Variants in CNTNAP2 observed in about 807,000 individuals in gnomAD.
The protein encoded by CNTNAP2 is contactin-associated protein-like 2.
In CNTNAP2, 98 loss-of-function variants were observed where a neutral mutation model predicts 155.2. That is an observed-to-expected ratio of 0.63 (90% CI 0.54 to 0.75). The LOEUF is 0.75. CNTNAP2 is among the 30% of genes least tolerant of loss of function. The pLI is 0.00. For synonymous variants in CNTNAP2, 651 were observed against 631.2 expected, an observed-to-expected ratio of 1.03 and a Z score of -0.47; for missense variants, 1,727 against 1,688.1, an observed-to-expected ratio of 1.02 and a Z score of -0.40.
At chr7:146,441,417 A>G (rs753003574) in intron 1 of CNTNAP2, among the ~76,000 whole-genome samples, 1 of 151,280 alleles carries the variant, frequency 6.6e-6, no homozygotes, top group Non-Finnish European at 1.5e-5. Flanking sequence ...CTGTCTCCCT[A>G]TTTGGTCTTC....
intron 1 of CNTNAP2, among the ~76,000 whole-genome samples, chr7:146,444,019 T>A (rs1165004069): frequency 1.3e-5 from 2 of 152,158 alleles, no homozygotes; most frequent in Non-Finnish European, 2.9e-5. Flanking sequence ...AGTTGGTATT[T>A]ATCATGTTAT....
intron 3 of CNTNAP2, among the ~76,000 whole-genome samples, chr7:146,993,617 G>A (rs1049360932): frequency 1.3e-5 from 2 of 152,090 alleles, no homozygotes; most frequent in African/African-American, 4.8e-5. Context: ...AGAGCAGGGA[G>A]AGCTCCCTCC....
chr7:148,083,115 T>C (rs1803648167), intron 15 of CNTNAP2, among the ~76,000 whole-genome samples: 1 of 152,126 alleles, frequency 6.6e-6, no homozygotes, highest in Non-Finnish European at 1.5e-5. Flanking sequence ...TCCAGATCAG[T>C]GGATGAAGAG....
At chr7:146,530,665 A>G (rs904702562) in intron 1 of CNTNAP2, among the ~76,000 whole-genome samples, 1 of 152,230 alleles carries the variant, frequency 6.6e-6, no homozygotes, top group Non-Finnish European at 1.5e-5. Flanking sequence ...AATCAAAACT[A>G]CAATGAGATA....
chr7:147,526,085 G>A lies in CNTNAP2; in HGVS notation c.1778-36053G>A, dbSNP rs571862876. 5.3e-5 allele frequency among the ~76,000 whole-genome samples: 8 copies of A among 151,362 alleles called. No homozygotes were observed. In the South Asian group the frequency reaches 6.3e-4, roughly 12 times the overall value. Reference sequence around the variant, plus strand: ...TGTGTGCCTGTAATCCCAGCTACTCGAGAGGCTGAGGCAGGAGCATTGCTT... The same window carrying A: ...TGTGTGCCTGTAATCCCAGCTACTCAAGAGGCTGAGGCAGGAGCATTGCTT... On this transcript the variant is annotated intron_variant, in intron 11 of 23. Coordinates refer to ENST00000361727, the MANE Select transcript of CNTNAP2 (RefSeq NM_014141.6).
At chr7:147,083,720 A>G (rs1259008598) in intron 4 of CNTNAP2, among the ~76,000 whole-genome samples, 1 of 144,722 alleles carries the variant, frequency 6.9e-6, no homozygotes, top group Admixed American at 7.1e-5. Context: ...ATATTTATAT[A>G]GCATGTGTAT....
chr7:146,550,441 G>A (rs368871630), intron 1 of CNTNAP2, among the ~76,000 whole-genome samples: 102 of 86,066 alleles, frequency 1.2e-3, no homozygotes, highest in Middle Eastern at 0.011. Flanking sequence ...TAAAGTACCC[G>A]AGATGGTTTT....
At chr7:146,972,458 G>A (rs1425464952) in intron 3 of CNTNAP2, among the ~76,000 whole-genome samples, 1 of 152,074 alleles carries the variant, frequency 6.6e-6, no homozygotes, top group Non-Finnish European at 1.5e-5. Flanking sequence ...TATGTTATAT[G>A]TACAGAATGG....
At chr7:147,918,249 T>C (rs756735254) in intron 14 of CNTNAP2, among the ~76,000 whole-genome samples, 2 of 152,262 alleles carry the variant, frequency 1.3e-5, no homozygotes, top group African/African-American at 4.8e-5. Flanking sequence ...ACTTAGCAGC[T>C]AGTCAACATC....
chr7:146,336,410 AT>A (rs1013375210), intron 1 of CNTNAP2, among the ~76,000 whole-genome samples: 3 of 152,048 alleles, frequency 2.0e-5, no homozygotes, highest in African/African-American at 7.2e-5. Context: ...AATTATCTCA[AT>A]TTGATTGTAA....
At chr7:146,237,838 CT>C (rs1260775298) in intron 1 of CNTNAP2, among the ~76,000 whole-genome samples, 3 of 152,174 alleles carry the variant, frequency 2.0e-5, no homozygotes, top group Non-Finnish European at 2.9e-5. Context: ...GTTTAACTTT[CT>C]TTAACCCAGA....
chr7:146,713,724 G>A (rs1801138483), intron 1 of CNTNAP2, among the ~76,000 whole-genome samples: 1 of 152,006 alleles, frequency 6.6e-6, no homozygotes. Context: ...TACATGTCAA[G>A]CACTGCCAAC....
intron 1 of CNTNAP2, among the ~76,000 whole-genome samples, chr7:146,416,814 T>C (rs1050513625): frequency 3.3e-5 from 5 of 152,140 alleles, no homozygotes; most frequent in African/African-American, 9.7e-5. Context: ...TTACCACTTA[T>C]ATTTGGTGTG....
intron 1 of CNTNAP2, among the ~76,000 whole-genome samples, chr7:146,652,013 TGAA>T (rs1799922895): frequency 6.6e-6 from 1 of 151,986 alleles, no homozygotes. Flanking sequence ...ATAAAGTATG[TGAA>T]GAAGGATACT....
At chr7:147,791,114 T>A (rs1200621277) in intron 13 of CNTNAP2, among the ~76,000 whole-genome samples, 3 of 152,202 alleles carry the variant, frequency 2.0e-5, no homozygotes, top group African/African-American at 7.2e-5. Context: ...GTCTCTTTAC[T>A]AATATTAATC....
intron 11 of CNTNAP2, among the ~76,000 whole-genome samples, chr7:147,515,625 A>G (rs1799112445): frequency 6.6e-6 from 1 of 151,996 alleles, no homozygotes; most frequent in Admixed American, 6.6e-5. Context: ...GCAGCCCATT[A>G]TATTCTAATA....
chr7:147,220,532 G>A (rs1265807364), intron 8 of CNTNAP2, among the ~76,000 whole-genome samples: 1 of 152,134 alleles, frequency 6.6e-6, no homozygotes, highest in East Asian at 1.9e-4. Flanking sequence ...TATACCAATT[G>A]ATATAGTTGA....
chr7:148,289,195 G>C lies in CNTNAP2; in HGVS notation c.3475+22069G>C, dbSNP rs527296611. Among the ~76,000 whole-genome samples the C allele has an allele frequency of 2.6e-5, 4 of 152,308 alleles. No homozygotes were observed. The South Asian group carries it at 8.3e-4, about 32-fold the overall frequency. ...AGAAAGTCACAATAGCTCCAGGGTT[G>C]TGCTTAACGGGCCATAGTGGGAGGA... On this transcript the variant is annotated intron_variant, in intron 21 of 23. Coordinates refer to ENST00000361727, the MANE Select transcript of CNTNAP2 (RefSeq NM_014141.6).
intron 3 of CNTNAP2, chr7:146,963,174 A>G (rs1797588017): frequency 6.6e-6 from 1 of 152,230 alleles, no homozygotes; most frequent in South Asian, 2.1e-4. Flanking sequence ...ACTTCTAAAT[A>G]AAGAATTCAA....
Sources: allele counts gnomAD v4.1 joint callset (sites outside exome capture counted in the v4.1 genomes callset), GRCh38; gene constraint gnomAD v4.1.1; transcripts MANE v1.5; gene names NCBI Gene and HGNC (gene_info 2026-07-23, HGNC 2026-07-21).